CFAP47: variants seen among roughly 807,000 people sequenced by gnomAD.
CFAP47 encodes cilia- and flagella-associated protein 47.
Under a neutral mutation model 148.1 loss-of-function variants are expected in CFAP47, and 29 were observed. The ratio of observed to expected loss-of-function variants is 0.20; its 90% CI spans 0.15 to 0.27. CFAP47 has a LOEUF of 0.27. CFAP47 is among the 10% of genes least tolerant of loss of function. The pLI is 1.00. For synonymous variants in CFAP47, 664 were observed against 577.3 expected (o/e 1.15, Z -2.15); for missense variants, 1,872 against 1,697.5 (o/e 1.10, Z -1.81).
Position 35,989,376 on chromosome X carries a change from G to C in CFAP47, c.2771G>C (p.Ser924Thr). 8.3e-7 allele frequency: 1 copy of C among 1,210,659 alleles called. No individual in the cohort carries two copies. The highest frequency in any genetic ancestry group is 1.1e-6 in the Non-Finnish European group (1 of 894,308). ...GAAGTAACTTGGCAGCAGGGCTTCA[G>C]TTCTCCAGAAGAAGGAGAATTTATT... ...ECEVTWQQGF[S>T]SPEEGEFILH... Residue 924 changes from serine to threonine, a missense_variant, in exon 16 of 64, where the codon AGT becomes ACT. Transcript: ENST00000378653.
At chrX:36,246,749 C>A (rs782422555) in intron 48 of CFAP47, among the ~76,000 whole-genome samples, 1 of 111,178 alleles carries the variant, frequency 9.0e-6, no homozygotes, top group African/African-American at 3.3e-5. Flanking sequence ...CTAGTCAGAA[C>A]GGCTGTTATT....
chrX:36,287,024 C>T lies in CFAP47; in HGVS notation c.7686+1298C>T, dbSNP rs1248802469. On this transcript the variant is annotated intron_variant, in intron 51 of 63. Coordinates refer to ENST00000378653, the MANE Select transcript of CFAP47 (RefSeq NM_001304548.2). ...CTCAACCTTAAAAGGTGAAGACTGTCACACAGGCTGAGAAATACACACCAT... is the reference window on the plus strand; with the variant it reads ...CTCAACCTTAAAAGGTGAAGACTGTTACACAGGCTGAGAAATACACACCAT... Among the ~76,000 whole-genome samples, 17 of 110,724 alleles carry T rather than the reference C, an allele frequency of 1.5e-4. No homozygotes were observed. In the Admixed American group the frequency reaches 1.6e-3, roughly 11 times the overall value.
intron 33 of CFAP47, among the ~76,000 whole-genome samples, chrX:36,131,692 C>T (rs1172218535): frequency 9.0e-6 from 1 of 111,448 alleles, no homozygotes; most frequent in Non-Finnish European, 1.9e-5. Flanking sequence ...AATACTTATA[C>T]ATGCTGCAAC....
At chrX:36,276,207 A>G (rs1165282979) in intron 49 of CFAP47, among the ~76,000 whole-genome samples, 3 of 110,786 alleles carry the variant, frequency 2.7e-5, no homozygotes, top group African/African-American at 9.8e-5. Flanking sequence ...ATAACATTTA[A>G]TATACAAGTT....
At chrX:36,287,452 C>G (rs1941145673) in intron 51 of CFAP47, among the ~76,000 whole-genome samples, 1 of 111,622 alleles carries the variant, frequency 9.0e-6, no homozygotes, top group African/African-American at 3.2e-5. Context: ...TCGTTATGAA[C>G]AGTTAGCATA....
At chrX:36,100,093 G>A (rs1240646489) in intron 32 of CFAP47, among the ~76,000 whole-genome samples, 1 of 111,343 alleles carries the variant, frequency 9.0e-6, no homozygotes, top group Non-Finnish European at 1.9e-5. Context: ...TTTCATGTAT[G>A]GGTCTGATTT....
At chrX:36,192,945 T>C (rs1196786193) in intron 42 of CFAP47, among the ~76,000 whole-genome samples, 1 of 112,003 alleles carries the variant, frequency 8.9e-6, no homozygotes, top group Non-Finnish European at 1.9e-5. Context: ...CACTCCCAGG[T>C]AGAAGACCCT....
intron 8 of CFAP47, among the ~76,000 whole-genome samples, 195 bp downstream of exon 8, chrX:35,956,391 CCAGTGAAAGCATT>C (rs1936246631): frequency 9.0e-6 from 1 of 111,585 alleles, no homozygotes; most frequent in Admixed American, 9.6e-5. Context: ...CTGTCATGTG[CCAGTGAAAGCATT>C]TGGCACTAGG....
chrX:36,313,599 T>C (rs782703585), intron 56 of CFAP47, among the ~76,000 whole-genome samples: 1 of 111,307 alleles, frequency 9.0e-6, no homozygotes, highest in African/African-American at 3.3e-5. Context: ...ATGATAGGAG[T>C]AGGCAATCTC....
At chrX:36,321,512 A>T (rs1941478904) in intron 57 of CFAP47, among the ~76,000 whole-genome samples, 1 of 111,865 alleles carries the variant, frequency 8.9e-6, no homozygotes, top group Non-Finnish European at 1.9e-5. Flanking sequence ...ACATTTAAAA[A>T]TAACTGAAAG....
chrX:36,341,301 C>T (rs1285797330), intron 57 of CFAP47, among the ~76,000 whole-genome samples: 1 of 110,986 alleles, frequency 9.0e-6, no homozygotes, highest in East Asian at 2.8e-4. Context: ...TCCCAAAGAG[C>T]TGGGATTACA....
chrX:36,272,307 G>T (rs782710712), intron 49 of CFAP47, among the ~76,000 whole-genome samples: 1 of 111,062 alleles, frequency 9.0e-6, no homozygotes, highest in South Asian at 3.8e-4. Flanking sequence ...TGATAGCAAA[G>T]GTCATGGCAA....
chrX:35,979,587 C>T (rs935324213), intron 15 of CFAP47, among the ~76,000 whole-genome samples: 1 of 110,511 alleles, frequency 9.0e-6, no homozygotes, highest in African/African-American at 3.3e-5. Flanking sequence ...GATACTCTCT[C>T]GAAACAAAAG....
At chrX:36,171,537 C>T (rs765650291) in intron 39 of CFAP47, among the ~76,000 whole-genome samples, 1 of 107,882 alleles carries the variant, frequency 9.3e-6, no homozygotes, top group Middle Eastern at 4.3e-3. Flanking sequence ...TTTCCCAGCA[C>T]CATTTATTAA....
chrX:36,279,731 G>C (rs1941057103), intron 49 of CFAP47, among the ~76,000 whole-genome samples: 1 of 111,363 alleles, frequency 9.0e-6, no homozygotes, highest in South Asian at 3.8e-4. Flanking sequence ...TTTTGAGACA[G>C]TTTTGCTCTT....
intron 8 of CFAP47, among the ~76,000 whole-genome samples, chrX:35,962,894 C>T (rs1368160479): frequency 2.8e-5 from 3 of 106,981 alleles, no homozygotes; most frequent in Non-Finnish European, 5.8e-5. Flanking sequence ...CTTCAACATG[C>T]TGATTTCATT....
chrX:36,052,969 G>A (rs143031887), intron 26 of CFAP47, among the ~76,000 whole-genome samples: 1,792 of 111,267 alleles, frequency 0.016, 42 homozygotes, highest in African/African-American at 0.056. Flanking sequence ...CATAAAGGAG[G>A]CTAGCAGAGA....
chrX:36,350,281 C>T, intron 59 of CFAP47, 149 bp downstream of exon 59: 1 of 363,278 alleles, frequency 2.8e-6, no homozygotes, highest in East Asian at 4.3e-5. Flanking sequence ...AACATGCTCT[C>T]CCAATGTGTC....
chrX:36,225,038 T>C (rs1940254937), intron 45 of CFAP47, among the ~76,000 whole-genome samples: 1 of 111,996 alleles, frequency 8.9e-6, no homozygotes, highest in Admixed American at 9.5e-5. Flanking sequence ...TATGTTTATT[T>C]TCTTCAGTAA....
Sources: gnomAD v4.1 joint callset for allele counts (sites outside exome capture counted in the v4.1 genomes callset) on GRCh38, gnomAD v4.1.1 for gene constraint, MANE v1.5 for transcripts, NCBI Gene and HGNC (gene_info 2026-07-23, HGNC 2026-07-21) for gene names.